The following ANAPC10 variants were observed in gnomAD, a reference collection of about 807,000 sequenced individuals.
The protein encoded by ANAPC10 is anaphase-promoting complex subunit 10.
In ANAPC10, 12 loss-of-function variants were observed where a neutral mutation model predicts 22.0. That is an observed-to-expected ratio of 0.55 (90% CI 0.35 to 0.88). ANAPC10 has a LOEUF of 0.88. Ranked by LOEUF, ANAPC10 falls within the 40% of genes least tolerant of loss-of-function variation. ANAPC10 has a pLI of 0.01. For missense variants in ANAPC10, 188 were observed against 220.9 expected, an observed-to-expected ratio of 0.85 and a Z score of 0.94; for synonymous variants, 65 against 69.5, an observed-to-expected ratio of 0.94 and a Z score of 0.32.
At chr4:144,998,683 C>T (rs1276170068) in intron 4 of ANAPC10, among the ~76,000 whole-genome samples, 1 of 152,022 alleles carries the variant, frequency 6.6e-6, no homozygotes, top group Non-Finnish European at 1.5e-5. Flanking sequence ...CTAAAATTGA[C>T]ACAATAACAT....
At chr4:145,085,125 A>T (rs1008316526) in intron 2 of ANAPC10, among the ~76,000 whole-genome samples, 2 of 152,142 alleles carry the variant, frequency 1.3e-5, no homozygotes, top group Admixed American at 1.3e-4. Context: ...AAAATAAAAA[A>T]ACTTAGCCAG....
chr4:145,058,553 C>T (rs1301478966), intron 4 of ANAPC10, among the ~76,000 whole-genome samples: 1 of 152,262 alleles, frequency 6.6e-6, no homozygotes, highest in Middle Eastern at 3.4e-3. Flanking sequence ...CAGTATCTAA[C>T]ACAGTACCTG....
intron 4 of ANAPC10, among the ~76,000 whole-genome samples, chr4:145,007,590 C>A (rs535875725): frequency 6.6e-6 from 1 of 152,070 alleles, no homozygotes; most frequent in Non-Finnish European, 1.5e-5. Flanking sequence ...GGGTACATAA[C>A]GAAATGAAAG....
chr4:145,056,950 C>T (rs1742155775), intron 4 of ANAPC10, among the ~76,000 whole-genome samples: 1 of 152,024 alleles, frequency 6.6e-6, no homozygotes. Context: ...TAGGCTGTTA[C>T]CATTGCCACT....
At chr4:145,064,401 G>A (rs1743369538) in intron 4 of ANAPC10, 171 bp downstream of exon 4, 3 of 438,258 alleles carry the variant, frequency 6.8e-6, no homozygotes, top group East Asian at 7.2e-5. Context: ...AAAAAATAAA[G>A]AGAACAATCA....
At chr4:145,009,009 A>G (rs1733867901) in intron 4 of ANAPC10, among the ~76,000 whole-genome samples, 1 of 152,176 alleles carries the variant, frequency 6.6e-6, no homozygotes, top group African/African-American at 2.4e-5. Context: ...TACAAAATCA[A>G]TGTGTAAAAA....
At chr4:145,054,434 T>C (rs1741623332) in intron 4 of ANAPC10, among the ~76,000 whole-genome samples, 2 of 150,908 alleles carry the variant, frequency 1.3e-5, no homozygotes, top group South Asian at 2.1e-4. Context: ...GGCAGGCGCC[T>C]GTAGTCCCAG....
intron 4 of ANAPC10, chr4:145,053,707 G>A: frequency 1.7e-6 from 1 of 605,286 alleles, no homozygotes; most frequent in Non-Finnish European, 3.0e-6. Context: ...TGCAGTTTCT[G>A]CTTCAATATT....
chr4:145,020,320 T>G (rs1735788823), intron 4 of ANAPC10, among the ~76,000 whole-genome samples: 3 of 151,910 alleles, frequency 2.0e-5, no homozygotes, highest in Non-Finnish European at 4.4e-5. Flanking sequence ...ATAAACAGAA[T>G]GAAAACAAAA....
chr4:145,019,332 C>A (rs1735656256), intron 4 of ANAPC10, among the ~76,000 whole-genome samples: 1 of 152,102 alleles, frequency 6.6e-6, no homozygotes, highest in Non-Finnish European at 1.5e-5. Context: ...AATTAAATAA[C>A]CTGCTCCTGA....
At chr4:145,035,762 C>T (rs1473884976) in intron 4 of ANAPC10, among the ~76,000 whole-genome samples, 1 of 152,202 alleles carries the variant, frequency 6.6e-6, no homozygotes, top group Admixed American at 6.5e-5. Context: ...TCACGCTCAT[C>T]TGTTTACATC....
At chr4:145,027,029 A>G (rs1252978697) in intron 4 of ANAPC10, among the ~76,000 whole-genome samples, 4 of 76,638 alleles carry the variant, frequency 5.2e-5, no homozygotes, top group African/African-American at 2.0e-4. Context: ...TTTGAGACAG[A>G]GTCTTACTCT....
intron 4 of ANAPC10, among the ~76,000 whole-genome samples, chr4:145,037,425 A>T (rs1738749148): frequency 6.6e-6 from 1 of 152,134 alleles, no homozygotes; most frequent in South Asian, 2.1e-4. Context: ...TATCACCATA[A>T]ATTTTAACAG....
intron 4 of ANAPC10, among the ~76,000 whole-genome samples, chr4:145,053,953 G>A (rs1741512688): frequency 6.6e-6 from 1 of 151,686 alleles, no homozygotes; most frequent in African/African-American, 2.4e-5. Flanking sequence ...TCTGTCACCA[G>A]GCTGGACTGC....
chr4:145,034,325 A>G (rs1327483770), intron 4 of ANAPC10, among the ~76,000 whole-genome samples: 7 of 152,006 alleles, frequency 4.6e-5, no homozygotes, highest in Non-Finnish European at 1.5e-5. Context: ...AAGCAGGCAG[A>G]AAAAATATGA....
intron 4 of ANAPC10, chr4:145,053,619 A>C (rs1741455349): frequency 4.7e-6 from 2 of 428,534 alleles, no homozygotes; most frequent in Non-Finnish European, 8.2e-6. Context: ...AAATATCTAC[A>C]AATCCTTGTA....
intron 2 of ANAPC10, among the ~76,000 whole-genome samples, chr4:145,090,870 T>G (rs1407689467): frequency 2.0e-5 from 3 of 152,244 alleles, no homozygotes; most frequent in African/African-American, 7.2e-5. Context: ...GTAAAGATTG[T>G]GTCTTTTTTG....
intron 4 of ANAPC10, among the ~76,000 whole-genome samples, chr4:145,003,217 A>G (rs1386702742): frequency 6.6e-6 from 1 of 152,204 alleles, no homozygotes; most frequent in Non-Finnish European, 1.5e-5. Flanking sequence ...ATGGCTGCAC[A>G]GTATTCCATT....
chr4:145,034,567 G>T (rs1431089370), intron 4 of ANAPC10, among the ~76,000 whole-genome samples: 3 of 141,638 alleles, frequency 2.1e-5, no homozygotes, highest in Non-Finnish European at 4.5e-5. Flanking sequence ...GTGTGTGTGT[G>T]TGTGTGTGTA....
Sources: allele counts gnomAD v4.1 joint callset (sites outside exome capture counted in the v4.1 genomes callset), GRCh38; gene constraint gnomAD v4.1.1; transcripts MANE v1.5; gene names NCBI Gene and HGNC (gene_info 2026-07-23, HGNC 2026-07-21).